CD53: variants seen among roughly 807,000 people sequenced by gnomAD.
The protein encoded by CD53 is leukocyte surface antigen CD53.
A neutral mutation model predicts 27.3 loss-of-function variants in CD53; 20 were observed. That is an observed-to-expected ratio of 0.73 (90% confidence interval 0.52 to 1.07). The LOEUF (loss-of-function observed/expected upper bound fraction) is 1.07, where lower values mean the gene tolerates loss of function less well. Ranked by LOEUF, CD53 falls within the 50% of genes least tolerant of loss-of-function variation. The probability of loss-of-function intolerance (pLI) is 0.00; values close to 1 mark genes in which losing one functional copy is unlikely to be tolerated. For synonymous variants in CD53, 106 were observed against 105.3 expected (o/e 1.01, Z -0.04); for missense variants, 216 against 264.0 (o/e 0.82, Z 1.26).
intron 5 of CD53, among the ~76,000 whole-genome samples, chr1:110,895,627 C>T (rs181526133): frequency 3.2e-4 from 48 of 152,276 alleles, no homozygotes; most frequent in Middle Eastern, 3.4e-3. Flanking sequence ...GAAGAAATGG[C>T]ACAGGAATTA....
intron 1 of CD53, among the ~76,000 whole-genome samples, chr1:110,882,993 A>G (rs777884119): frequency 3.3e-5 from 5 of 151,980 alleles, no homozygotes; most frequent in South Asian, 2.1e-4. Context: ...GACATTCATG[A>G]TATCTGTGAA....
chr1:110,896,280 A>G (rs1434687841), intron 5 of CD53, among the ~76,000 whole-genome samples: 1 of 152,192 alleles, frequency 6.6e-6, no homozygotes, highest in Non-Finnish European at 1.5e-5. Flanking sequence ...CATAGCTGTC[A>G]CTTCCTGTTG....
intron 2 of CD53, 58 bp downstream of exon 2, chr1:110,891,529 C>CTTCAGTAGAGGAATGAGGAG: frequency 7.5e-7 from 1 of 1,326,830 alleles, no homozygotes; most frequent in Non-Finnish European, 1.1e-6. Flanking sequence ...AAGCTCTCCT[C>CTTCAGTAGAGGAATGAGGAG]ATTCCTCTAC....
chr1:110,883,063 T>G (rs1039455363), intron 1 of CD53, among the ~76,000 whole-genome samples: 1 of 151,966 alleles, frequency 6.6e-6, no homozygotes, highest in Non-Finnish European at 1.5e-5. Flanking sequence ...CATATTTCAT[T>G]TGCACTGCCT....
intron 7 of CD53, among the ~76,000 whole-genome samples, chr1:110,898,871 G>A (rs533707677): frequency 1.3e-5 from 2 of 152,262 alleles, no homozygotes; most frequent in African/African-American, 4.8e-5. Flanking sequence ...CAAGGCTTCT[G>A]TGACTTCCTC....
At chr1:110,872,284 C>T (rs1341710725), upstream of CD53, among the ~76,000 whole-genome samples, 1 of 152,220 alleles carries the variant, frequency 6.6e-6, no homozygotes, top group Non-Finnish European at 1.5e-5. Flanking sequence ...AAGGCCTTCT[C>T]TGTGACCTTG....
intron 1 of CD53, among the ~76,000 whole-genome samples, chr1:110,878,699 C>G (rs1377654175): frequency 6.6e-6 from 1 of 152,128 alleles, no homozygotes; most frequent in African/African-American, 2.4e-5. Flanking sequence ...AGGTGTTTCT[C>G]TACCAAACAC....
At chr1:110,887,500 A>G (rs1386223080) in intron 1 of CD53, among the ~76,000 whole-genome samples, 1 of 152,166 alleles carries the variant, frequency 6.6e-6, no homozygotes, top group Non-Finnish European at 1.5e-5. Context: ...ATCTATGTGT[A>G]AATTTTACTT....
intron 5 of CD53, among the ~76,000 whole-genome samples, chr1:110,896,181 C>T (rs962834163): frequency 1.3e-5 from 2 of 152,156 alleles, no homozygotes; most frequent in African/African-American, 2.4e-5. Flanking sequence ...GTTGCTTCCT[C>T]GAGTATTTTG....
chr1:110,892,802 A>T, intron 3 of CD53: 1 of 352,618 alleles, frequency 2.8e-6, no homozygotes. Flanking sequence ...ATTCCCCTTT[A>T]TAGCATTTTA....
chr1:110,899,488 C>T lies in CD53; in HGVS notation c.*293C>T. The stretch of plus-strand genomic sequence containing the variant: ...CAAAGACAAACTGGATTTAATGGCC[C>T]AACATCAAAGGGTGAACCCAGGATA... On this transcript the variant is annotated 3_prime_UTR_variant, in exon 8 of 8. Transcript: ENST00000271324. 1 of 292,174 alleles carries T rather than the reference C, an allele frequency of 3.4e-6. No homozygotes were observed. 18.1% of individuals were successfully genotyped at this position (292,174 alleles called of 1,614,324 possible).
intron 1 of CD53, among the ~76,000 whole-genome samples, chr1:110,885,788 T>C (rs1436754685): frequency 1.4e-5 from 2 of 142,238 alleles, no homozygotes; most frequent in Non-Finnish European, 3.1e-5. Context: ...TTCTTGAACC[T>C]GAGAGGCGGA....
chr1:110,895,892 C>T (rs559534929), intron 5 of CD53, among the ~76,000 whole-genome samples: 3 of 152,066 alleles, frequency 2.0e-5, no homozygotes, highest in East Asian at 3.9e-4. Context: ...ATTATTTCAC[C>T]CACTAAATAT....
chr1:110,890,923 G>A (rs1276545870), intron 1 of CD53, among the ~76,000 whole-genome samples: 2 of 152,256 alleles, frequency 1.3e-5, no homozygotes, highest in African/African-American at 4.8e-5. Flanking sequence ...TTCATGTGGA[G>A]AAGTTTACTG....
chr1:110,895,405 G>A (rs1228084880), intron 5 of CD53, among the ~76,000 whole-genome samples: 1 of 152,166 alleles, frequency 6.6e-6, no homozygotes, highest in Admixed American at 6.5e-5. Flanking sequence ...TTGAGTTCCC[G>A]AGTTGCCCAA....
rs570859949 is a variant in CD53, at chr1:110,892,071, C to T, written c.64-274C>T. ...AAAGATAAGGAAAAAGAAGTTAGAC[C>T]TATATATGGTGAAGATACTGTGTGG... On this transcript the variant is annotated intron_variant, in intron 2 of 7. Transcript: ENST00000271324. 6.6e-5 allele frequency among the ~76,000 whole-genome samples: 10 copies of T among 152,274 alleles called. No homozygotes were observed. The South Asian group carries it at 2.1e-3, about 32-fold the overall frequency.
At chr1:110,877,967 C>T (rs936493501) in intron 1 of CD53, among the ~76,000 whole-genome samples, 1 of 152,142 alleles carries the variant, frequency 6.6e-6, no homozygotes, top group Non-Finnish European at 1.5e-5. Context: ...CACATTGCAC[C>T]AAATGAGTTG....
intron 1 of CD53, among the ~76,000 whole-genome samples, chr1:110,878,469 GC>G (rs1656213945): frequency 6.6e-6 from 1 of 152,178 alleles, no homozygotes; most frequent in African/African-American, 2.4e-5. Flanking sequence ...AAAGACGTTT[GC>G]CAAAATGCTA....
upstream of CD53, among the ~76,000 whole-genome samples, chr1:110,872,060 T>C (rs1286839405): frequency 2.6e-5 from 4 of 152,188 alleles, no homozygotes; most frequent in Non-Finnish European, 4.4e-5. Flanking sequence ...CCCAGAGGCA[T>C]GCCCGCAAGT....
Sources: gnomAD v4.1 joint callset for allele counts (sites outside exome capture counted in the v4.1 genomes callset) on GRCh38, gnomAD v4.1.1 for gene constraint, MANE v1.5 for transcripts, NCBI Gene and HGNC (gene_info 2026-07-23, HGNC 2026-07-21) for gene names.